STARD13: variants seen among roughly 807,000 people sequenced by gnomAD.
STARD13 encodes the protein StAR related lipid transfer domain containing 13.
Under a neutral mutation model 106.4 loss-of-function variants are expected in STARD13, and 62 were observed. That is an observed-to-expected ratio of 0.58 (90% CI 0.48 to 0.72). The LOEUF (loss-of-function observed/expected upper bound fraction) is 0.72. Among genes scored for constraint, STARD13 ranks in the 30% least tolerant of loss-of-function variants. The pLI is 0.00. For missense variants in STARD13, 1,387 were observed against 1,424.0 expected, an observed-to-expected ratio of 0.97 and a Z score of 0.42; for synonymous variants, 565 against 553.0, an observed-to-expected ratio of 1.02 and a Z score of -0.31.
At chr13:33,589,145 C>A in the STARD13 span, among the ~76,000 whole-genome samples, 1 of 152,126 alleles carries the variant, frequency 6.6e-6, no homozygotes, top group African/African-American at 2.4e-5. Context: ...GTGATGATAT[C>A]CCCTTTATCA....
chr13:33,648,261 T>G, the STARD13 span, among the ~76,000 whole-genome samples: 1 of 152,082 alleles, frequency 6.6e-6, no homozygotes, highest in Non-Finnish European at 1.5e-5. Context: ...GGAAACTGAG[T>G]CTCAGAGAAA....
chr13:33,484,634 TG>T, the STARD13 span, among the ~76,000 whole-genome samples: 1 of 152,150 alleles, frequency 6.6e-6, no homozygotes, highest in African/African-American at 2.4e-5. Context: ...TTCCAAAGTT[TG>T]GGGGAGGCTG....
At chr13:33,471,509 G>A in the STARD13 span, among the ~76,000 whole-genome samples, 1 of 152,104 alleles carries the variant, frequency 6.6e-6, no homozygotes, top group African/African-American at 2.4e-5. Context: ...AGAATGGGAA[G>A]GAATACCTAA....
chr13:33,453,159 C>G, the STARD13 span, among the ~76,000 whole-genome samples: 9 of 152,180 alleles, frequency 5.9e-5, no homozygotes, highest in Admixed American at 5.9e-4. Context: ...CAAGATTATA[C>G]AAGATTGTAG....
chr13:33,460,146 T>C, the STARD13 span, among the ~76,000 whole-genome samples: 1 of 152,250 alleles, frequency 6.6e-6, no homozygotes, highest in African/African-American at 2.4e-5. Context: ...TTTTCCCCTT[T>C]CTTTATTCCT....
intron 10 of STARD13, 80 bp downstream of exon 10, chr13:33,111,698 A>G: frequency 1.2e-6 from 1 of 861,686 alleles, no homozygotes. Context: ...GATAGAAACC[A>G]TAAATGTAGC....
At chr13:33,327,327 T>C (rs2138547945) in intron 1 of STARD13, among the ~76,000 whole-genome samples, 1 of 152,328 alleles carries the variant, frequency 6.6e-6, no homozygotes, top group East Asian at 1.9e-4. Context: ...TTTAGACGTA[T>C]GTGATTATTA....
chr13:33,185,837 C>T (rs376653952), intron 1 of STARD13: 1 of 1,599,114 alleles, frequency 6.3e-7, no homozygotes, highest in South Asian at 1.1e-5. Context: ...TCACAAAGGT[C>T]TATCCTTTGT....
At chr13:33,323,848 T>G (rs771229291) in intron 1 of STARD13, among the ~76,000 whole-genome samples, 1 of 152,192 alleles carries the variant, frequency 6.6e-6, no homozygotes, top group Non-Finnish European at 1.5e-5. Flanking sequence ...TCTGGTGTTA[T>G]TCCCTTTTGG....
chr13:33,358,723 C>G, the STARD13 span, among the ~76,000 whole-genome samples: 3 of 152,120 alleles, frequency 2.0e-5, no homozygotes, highest in South Asian at 2.1e-4. Flanking sequence ...GTGCACCAAT[C>G]GACACTCTGT....
the STARD13 span, among the ~76,000 whole-genome samples, chr13:33,468,983 CA>C: frequency 2.0e-5 from 3 of 152,208 alleles, no homozygotes; most frequent in South Asian, 6.2e-4. Flanking sequence ...GAATATTGCA[CA>C]AAAGTGAGCC....
Position 33,117,945 on chromosome 13 carries a change from T to C in STARD13, c.2281+120A>G, listed in dbSNP as rs1875634845. On this transcript the variant is annotated intron_variant, in intron 8 of 13. Transcript: ENST00000336934. ...TTACTTCCGTAGAGGAGAGCAGGAT[T>C]ACATACATCTTTATGGATTGATGTA... The C allele has an allele frequency of 3.3e-6, 5 of 1,511,208 alleles. No individual in the cohort carries two copies. In the South Asian group the frequency reaches 5.4e-5, roughly 16 times the overall value. The allele number at this position is 1,511,208 out of a possible 1,614,324, so 93.6% of individuals were successfully genotyped here. A position where few individuals can be genotyped will look rare whatever the true frequency, so the allele number is the denominator to read the frequency against.
the STARD13 span, among the ~76,000 whole-genome samples, chr13:33,436,372 T>C: frequency 6.6e-6 from 1 of 152,216 alleles, no homozygotes; most frequent in African/African-American, 2.4e-5. Flanking sequence ...GTAATTTGGC[T>C]GTAGTCTCCT....
At chr13:33,255,219 GA>G (rs1890299891) in intron 1 of STARD13, among the ~76,000 whole-genome samples, 1 of 152,058 alleles carries the variant, frequency 6.6e-6, no homozygotes, top group South Asian at 2.1e-4. Flanking sequence ...CAACAAAGTT[GA>G]AAGCCTCATA....
At chr13:33,316,824 C>T (rs981121927) in intron 1 of STARD13, among the ~76,000 whole-genome samples, 2 of 152,196 alleles carry the variant, frequency 1.3e-5, no homozygotes, top group African/African-American at 4.8e-5. Flanking sequence ...GTTCATCAGG[C>T]ATTTGTCCCC....
At chr13:33,634,306 C>G in the STARD13 span, among the ~76,000 whole-genome samples, 1 of 152,164 alleles carries the variant, frequency 6.6e-6, no homozygotes, top group Admixed American at 6.5e-5. Flanking sequence ...TACTGACTTA[C>G]CCAGCCTCAG....
At chr13:33,317,485 T>C (rs1893384792) in intron 1 of STARD13, among the ~76,000 whole-genome samples, 2 of 152,154 alleles carry the variant, frequency 1.3e-5, no homozygotes, top group Admixed American at 1.3e-4. Context: ...CAGCCCTGCT[T>C]TCATTCTTGC....
chr13:33,491,965 G>C, the STARD13 span, among the ~76,000 whole-genome samples: 1 of 152,206 alleles, frequency 6.6e-6, no homozygotes, highest in East Asian at 1.9e-4. Flanking sequence ...AAGAGAGTCA[G>C]GAAGGGAGAC....
intron 1 of STARD13, among the ~76,000 whole-genome samples, chr13:33,329,933 A>G (rs1400892871): frequency 1.3e-5 from 2 of 151,772 alleles, no homozygotes; most frequent in African/African-American, 2.4e-5. Context: ...TGAACTCCTA[A>G]CCTCAAGTGA....
Sources: gnomAD v4.1 joint callset for allele counts (sites outside exome capture counted in the v4.1 genomes callset) on GRCh38, gnomAD v4.1.1 for gene constraint, MANE v1.5 for transcripts, NCBI Gene and HGNC (gene_info 2026-07-23, HGNC 2026-07-21) for gene names.